Variants in HIRA observed in about 807,000 individuals in gnomAD.
HIRA encodes the protein protein HIRA.
In HIRA, 13 loss-of-function variants were observed where a neutral mutation model predicts 126.6. The observed-to-expected ratio is 0.10, with a 90% confidence interval of 0.07 to 0.16. The LOEUF is 0.16. HIRA is among the 10% of genes least tolerant of loss of function. The pLI is 1.00. For synonymous variants in HIRA, 511 were observed against 520.0 expected, an observed-to-expected ratio of 0.98 and a Z score of 0.24; for missense variants, 834 against 1,314.4, an observed-to-expected ratio of 0.63 and a Z score of 5.65.
At chr22:19,346,998 G>A (rs1476543698) in intron 24 of HIRA, among the ~76,000 whole-genome samples, 2 of 152,110 alleles carry the variant, frequency 1.3e-5, no homozygotes, top group African/African-American at 2.4e-5. Context: ...ATACCACCAC[G>A]GCCCAGAGTG....
chr22:19,413,595 C>CTATT (rs376817979), intron 1 of HIRA, among the ~76,000 whole-genome samples: 38,858 of 143,524 alleles, frequency 0.27, 5,428 homozygotes, highest in Middle Eastern at 0.4. Flanking sequence ...GGGAATGAAA[C>CTATT]TATTTATTTA....
intron 10 of HIRA, among the ~76,000 whole-genome samples, 156 bp from the exon 11 acceptor site, chr22:19,387,972 C>T (rs1014433885): frequency 1.1e-4 from 4 of 36,842 alleles, no homozygotes; most frequent in African/African-American, 2.5e-4. Flanking sequence ...TTGGCCTGGG[C>T]GGGGGGGGGA....
chr22:19,343,977 G>A (rs2088660618), intron 24 of HIRA, among the ~76,000 whole-genome samples: 1 of 151,616 alleles, frequency 6.6e-6, no homozygotes, highest in Non-Finnish European at 1.5e-5. Context: ...TTCCCAAAGT[G>A]CTGGGATTAC....
At chr22:19,378,502 T>G (rs919282293) in intron 13 of HIRA, among the ~76,000 whole-genome samples, 1 of 152,234 alleles carries the variant, frequency 6.6e-6, no homozygotes, top group Non-Finnish European at 1.5e-5. Flanking sequence ...TGTCTCCAGC[T>G]TTTTCTAGAA....
chr22:19,408,373 C>T (rs1601851214), intron 3 of HIRA, 110 bp downstream of exon 3: 2 of 682,968 alleles, frequency 2.9e-6, no homozygotes, highest in East Asian at 2.7e-5. Flanking sequence ...GACAGCAGGC[C>T]GAGGGGAGTT....
At chr22:19,388,642 T>C (rs550772623) in intron 9 of HIRA, 88 bp from the exon 10 acceptor site, 15 of 937,548 alleles carry the variant, frequency 1.6e-5, no homozygotes, top group South Asian at 1.4e-4. Flanking sequence ...CCTAGAAGCC[T>C]GGGTCAAAGT....
chr22:19,385,847 G>C, intron 11 of HIRA, 111 bp from the exon 12 acceptor site: 1 of 997,196 alleles, frequency 1.0e-6, no homozygotes, highest in East Asian at 2.6e-5. Context: ...GTGGAGAAGG[G>C]ACCCAAGGCC....
intron 24 of HIRA, among the ~76,000 whole-genome samples, chr22:19,344,862 T>A (rs781996068): frequency 5.3e-5 from 8 of 152,046 alleles, no homozygotes; most frequent in Non-Finnish European, 1.0e-4. Flanking sequence ...ATCACATTAA[T>A]GAAATAAAAG....
intron 15 of HIRA, among the ~76,000 whole-genome samples, chr22:19,372,680 T>G (rs1257030834): frequency 6.6e-6 from 1 of 151,762 alleles, no homozygotes; most frequent in African/African-American, 2.4e-5. Context: ...TAAGTGATTC[T>G]CTTGTCTCAG....
At chr22:19,362,247 G>C (rs2088870832) in intron 15 of HIRA, among the ~76,000 whole-genome samples, 1 of 152,090 alleles carries the variant, frequency 6.6e-6, no homozygotes, top group South Asian at 2.1e-4. Context: ...AAAAAACAAT[G>C]AACATAAAAT....
chr22:19,339,385 A>G (rs1291631569), intron 24 of HIRA, among the ~76,000 whole-genome samples: 1 of 152,216 alleles, frequency 6.6e-6, no homozygotes, highest in Non-Finnish European at 1.5e-5. Flanking sequence ...CTGTAATCCC[A>G]GCAATTTTGG....
chr22:19,335,442 G>A (rs533397436), intron 24 of HIRA, among the ~76,000 whole-genome samples: 5 of 152,054 alleles, frequency 3.3e-5, no homozygotes, highest in African/African-American at 9.6e-5. Flanking sequence ...ATGGGGTTTC[G>A]CCACGTTGGC....
intron 18 of HIRA, 69 bp downstream of exon 18, chr22:19,359,267 G>T: frequency 6.9e-7 from 1 of 1,447,690 alleles, no homozygotes; most frequent in Non-Finnish European, 9.1e-7. Context: ...CCCTAGACAG[G>T]CCCAGGCCCA....
chr22:19,334,997 C>T (rs915893648), intron 24 of HIRA, among the ~76,000 whole-genome samples: 20 of 152,104 alleles, frequency 1.3e-4, no homozygotes, highest in African/African-American at 4.6e-4. Context: ...TGTGTATGTG[C>T]ATGAGTTTTA....
At chr22:19,361,215 C>T in intron 17 of HIRA, 22 bp downstream of exon 17, 2 of 1,571,276 alleles carry the variant, frequency 1.3e-6, no homozygotes, top group Non-Finnish European at 8.8e-7. Flanking sequence ...TGAGGGAGAA[C>T]TGGCAGGGTC....
rs574487452 is a variant in HIRA at position 19,419,640 on chromosome 22, T to C, written c.38-8862A>G. The stretch of plus-strand genomic sequence containing the variant: ...AACTCCAGTAAGTAGATCAGCTCTT[T>C]TGTCTGTTTTATTCACTAATTCATC... On this transcript the variant is annotated intron_variant, in intron 1 of 24. Coordinates refer to ENST00000263208, the MANE Select transcript of HIRA (RefSeq NM_003325.4). 2.0e-5 allele frequency among the ~76,000 whole-genome samples: 3 copies of C among 152,368 alleles called. No homozygotes were observed. In the East Asian group the frequency reaches 5.8e-4, roughly 29 times the overall value.
chr22:19,356,123 G>T, intron 20 of HIRA, 107 bp downstream of exon 20: 1 of 1,067,014 alleles, frequency 9.4e-7, no homozygotes, highest in Non-Finnish European at 1.4e-6. Flanking sequence ...CTCACTGAGA[G>T]CCCTGGGCTG....
intron 23 of HIRA, among the ~76,000 whole-genome samples, chr22:19,353,110 TA>T (rs1238114179): frequency 3.9e-5 from 6 of 152,246 alleles, no homozygotes; most frequent in African/African-American, 1.4e-4. Context: ...CCCAGGCATC[TA>T]TTCCTCCGTC....
chr22:19,409,369 C>T (rs529047694), intron 2 of HIRA, among the ~76,000 whole-genome samples: 12 of 151,996 alleles, frequency 7.9e-5, no homozygotes, highest in Admixed American at 5.9e-4. Context: ...CTGCAACCTC[C>T]GCCTCGCAGG....
Sources: gnomAD v4.1 joint callset for allele counts (sites outside exome capture counted in the v4.1 genomes callset) on GRCh38, gnomAD v4.1.1 for gene constraint, MANE v1.5 for transcripts, NCBI Gene and HGNC (gene_info 2026-07-23, HGNC 2026-07-21) for gene names.